Variants in ENTREP2 observed in about 807,000 individuals in gnomAD.
ENTREP2 encodes the protein protein ENTREP2.
the ENTREP2 span, among the ~76,000 whole-genome samples, chr15:29,646,366 G>A: frequency 8.5e-5 from 13 of 152,084 alleles, no homozygotes; most frequent in Non-Finnish European, 1.8e-4. Flanking sequence ...GTGCTTACTC[G>A]GGATGCCGGC....
At chr15:29,470,782 G>T in the ENTREP2 span, among the ~76,000 whole-genome samples, 3 of 152,210 alleles carry the variant, frequency 2.0e-5, no homozygotes, top group African/African-American at 7.2e-5. Context: ...AGCCCTGACA[G>T]TGAGCAGTTC....
chr15:29,516,608 G>T, the ENTREP2 span, among the ~76,000 whole-genome samples: 2 of 151,800 alleles, frequency 1.3e-5, no homozygotes, highest in South Asian at 2.1e-4. Flanking sequence ...AGGAGGGGAT[G>T]GGGGGGTGCA....
the ENTREP2 span, among the ~76,000 whole-genome samples, chr15:29,369,615 A>C: frequency 2.2e-3 from 322 of 148,012 alleles, no homozygotes; most frequent in South Asian, 4.1e-3. Context: ...ACACACACAC[A>C]CCCAGGTGCA....
chr15:29,303,387 T>C, the ENTREP2 span, among the ~76,000 whole-genome samples: 1 of 152,356 alleles, frequency 6.6e-6, no homozygotes, highest in African/African-American at 2.4e-5. Context: ...CCAACCAAAC[T>C]GACTTTGATT....
the ENTREP2 span, among the ~76,000 whole-genome samples, chr15:29,214,634 A>C: frequency 6.6e-6 from 1 of 151,956 alleles, no homozygotes; most frequent in Non-Finnish European, 1.5e-5. Context: ...ACATGTATAC[A>C]TATGTAACAA....
chr15:29,592,476 T>C, the ENTREP2 span, among the ~76,000 whole-genome samples: 2 of 151,974 alleles, frequency 1.3e-5, no homozygotes, highest in Non-Finnish European at 2.9e-5. Context: ...GATGAGAGAG[T>C]GAGAGAAAGC....
At chr15:29,313,272 C>T in the ENTREP2 span, among the ~76,000 whole-genome samples, 2 of 152,194 alleles carry the variant, frequency 1.3e-5, no homozygotes, top group Non-Finnish European at 2.9e-5. Flanking sequence ...AAGGTGGATA[C>T]ATGAAACAAC....
chr15:29,469,824 G>C, the ENTREP2 span, among the ~76,000 whole-genome samples: 1 of 151,988 alleles, frequency 6.6e-6, no homozygotes, highest in Non-Finnish European at 1.5e-5. Flanking sequence ...CTACCTTTGA[G>C]ACAGCCTCCT....
chr15:29,537,400 T>C, the ENTREP2 span, among the ~76,000 whole-genome samples: 19 of 152,302 alleles, frequency 1.2e-4, no homozygotes, highest in South Asian at 3.5e-3. Context: ...CCACAAATTC[T>C]AGAACAAGTG....
the ENTREP2 span, among the ~76,000 whole-genome samples, chr15:29,182,279 C>T: frequency 3.7e-4 from 56 of 151,938 alleles, no homozygotes; most frequent in Middle Eastern, 3.4e-3. Context: ...CGCCCGCCAC[C>T]GCACCCGGCT....
chr15:29,674,762 A>G, the ENTREP2 span, among the ~76,000 whole-genome samples: 1 of 38,584 alleles, frequency 2.6e-5, no homozygotes, highest in Non-Finnish European at 4.5e-5. Context: ...AGGGGGAGGG[A>G]GGAGAGGGAG....
chr15:29,161,891 C>T, the ENTREP2 span, among the ~76,000 whole-genome samples: 5 of 152,108 alleles, frequency 3.3e-5, no homozygotes, highest in East Asian at 3.9e-4. Flanking sequence ...TCCAGATCGA[C>T]TGCAAGAACA....
chr15:29,239,129 A>G, the ENTREP2 span, among the ~76,000 whole-genome samples: 59,791 of 152,044 alleles, frequency 0.39, 11,966 homozygotes, highest in East Asian at 0.6. Flanking sequence ...TTTATGCCAC[A>G]TGAAGGGAGG....
the ENTREP2 span, among the ~76,000 whole-genome samples, chr15:29,257,435 C>T: frequency 6.6e-6 from 1 of 152,132 alleles, no homozygotes; most frequent in Non-Finnish European, 1.5e-5. Flanking sequence ...TAGTCCTTTG[C>T]TATTTATTAT....
the ENTREP2 span, among the ~76,000 whole-genome samples, chr15:29,297,428 C>T: frequency 3.3e-5 from 5 of 152,162 alleles, no homozygotes; most frequent in African/African-American, 1.2e-4. Flanking sequence ...AATGTATTCT[C>T]CTGATGACAG....
the ENTREP2 span, among the ~76,000 whole-genome samples, chr15:29,220,280 T>TTCAGAGAAACCAGGA: frequency 6.6e-6 from 1 of 152,178 alleles, no homozygotes; most frequent in East Asian, 1.9e-4. Context: ...CGCATGTGAA[T>TTCAGAGAAACCAGGA]TCAGAGAAAC....
At chr15:29,196,669 A>C in the ENTREP2 span, 1 of 1,304,014 alleles carries the variant, frequency 7.7e-7, no homozygotes, top group Non-Finnish European at 1.0e-6. Flanking sequence ...CTCAGTTCAA[A>C]GGAGCCTGTT....
the ENTREP2 span, among the ~76,000 whole-genome samples, chr15:29,509,556 A>C: frequency 1.3e-5 from 2 of 152,168 alleles, no homozygotes; most frequent in Non-Finnish European, 2.9e-5. Context: ...CAAAACAGAC[A>C]TACAGGCCAA....
At chr15:29,601,352 C>T in the ENTREP2 span, among the ~76,000 whole-genome samples, 1 of 151,970 alleles carries the variant, frequency 6.6e-6, no homozygotes, top group Non-Finnish European at 1.5e-5. Context: ...GCATCACTTC[C>T]AACATTTTCC....
Sources: allele counts gnomAD v4.1 joint callset (sites outside exome capture counted in the v4.1 genomes callset), GRCh38; gene constraint gnomAD v4.1.1; transcripts MANE v1.5; gene names NCBI Gene and HGNC (gene_info 2026-07-23, HGNC 2026-07-21).